BCAS1: variants seen among roughly 807,000 people sequenced by gnomAD.
The protein encoded by BCAS1 is breast carcinoma-amplified sequence 1.
A neutral mutation model predicts 65.4 loss-of-function variants in BCAS1; 46 were observed. The observed-to-expected ratio is 0.70, with a 90% CI of 0.55 to 0.90. The LOEUF is 0.90. BCAS1 is among the 40% of genes least tolerant of loss of function. The probability of loss-of-function intolerance (pLI) is 0.00; values close to 1 mark genes in which losing one functional copy is unlikely to be tolerated. For synonymous variants in BCAS1, 298 were observed against 293.5 expected (o/e 1.02, Z -0.16); for missense variants, 793 against 771.2 (o/e 1.03, Z -0.33).
intron 9 of BCAS1, among the ~76,000 whole-genome samples, chr20:53,974,345 G>A (rs555884391): frequency 7.2e-5 from 11 of 152,252 alleles, no homozygotes; most frequent in African/African-American, 2.2e-4. Flanking sequence ...CACTCACTGC[G>A]AAGGTCTGTG....
At chr20:54,061,695 G>A (rs959843839) in intron 1 of BCAS1, among the ~76,000 whole-genome samples, 8 of 152,302 alleles carry the variant, frequency 5.3e-5, no homozygotes, top group African/African-American at 1.7e-4. Context: ...TGGGGATTTT[G>A]TATGTCTTCT....
chr20:53,989,275 A>G (rs543403399), intron 7 of BCAS1, among the ~76,000 whole-genome samples: 1 of 152,208 alleles, frequency 6.6e-6, no homozygotes, highest in South Asian at 2.1e-4. Context: ...TTCTCTTTGC[A>G]TTGGGAGGAT....
chr20:54,051,937 C>A (rs1160900285), intron 3 of BCAS1, among the ~76,000 whole-genome samples: 1 of 152,106 alleles, frequency 6.6e-6, no homozygotes, highest in East Asian at 1.9e-4. Context: ...CGGGGTTTCA[C>A]CACGTTGGCC....
At chr20:54,017,419 G>T in intron 4 of BCAS1, among the ~76,000 whole-genome samples, 1 of 145,870 alleles carries the variant, frequency 6.9e-6, no homozygotes, top group Admixed American at 6.8e-5. Context: ...TTTTTGAGGT[G>T]GAGTCTCGCT....
intron 3 of BCAS1, among the ~76,000 whole-genome samples, chr20:54,036,890 G>A (rs749704439): frequency 5.3e-5 from 8 of 151,236 alleles, no homozygotes; most frequent in Non-Finnish European, 8.9e-5. Flanking sequence ...AGAAACATAA[G>A]TATCTGGGCC....
Position 53,967,017 on chromosome 20 carries a change from T to A in BCAS1, c.1374A>T (p.Leu458Phe). The A allele has an allele frequency of 6.2e-7, 1 of 1,613,268 alleles. No individual in the cohort carries two copies. Among genetic ancestry groups the A allele is most frequent in the Non-Finnish European group, 8.5e-7 (1 of 1,179,626 alleles). Residue 458 changes from leucine (L) to phenylalanine (F), a missense_variant, in exon 10 of 13, where the codon TTA becomes TTT. Transcript: ENST00000688948. The part of the protein sequence containing the change: ...IIKSKEVESA[L>F]QTVDLNEGDA... ...CTCCTTCGTTGAGGTCCACTGTTTG[T>A]AAGGCTGATTCTACTTCCTTGGACT... is the stretch of plus-strand genomic sequence containing the variant.
chr20:53,970,554 T>C (rs1053950212), intron 9 of BCAS1, among the ~76,000 whole-genome samples: 6 of 152,346 alleles, frequency 3.9e-5, no homozygotes, highest in African/African-American at 1.4e-4. Context: ...TTGGATATCA[T>C]GAATGGACAT....
chr20:53,996,159 T>A (rs1470918001), intron 4 of BCAS1, 109 bp from the exon 5 acceptor site: 1 of 1,196,878 alleles, frequency 8.4e-7, no homozygotes, highest in Admixed American at 2.5e-5. Flanking sequence ...CAGCCATACT[T>A]CTTCTGCCCA....
At chr20:53,966,181 G>A in intron 10 of BCAS1, among the ~76,000 whole-genome samples, 1 of 152,104 alleles carries the variant, frequency 6.6e-6, no homozygotes, top group Non-Finnish European at 1.5e-5. Context: ...TGCACACACA[G>A]GTTTATTGCA....
intron 9 of BCAS1, among the ~76,000 whole-genome samples, chr20:53,968,158 G>T (rs534790253): frequency 1.3e-5 from 2 of 152,180 alleles, no homozygotes; most frequent in East Asian, 3.9e-4. Context: ...CACGCCTGAT[G>T]GATTTTACGC....
At chr20:53,958,363 T>C (rs1405525950) in intron 10 of BCAS1, among the ~76,000 whole-genome samples, 1 of 152,194 alleles carries the variant, frequency 6.6e-6, no homozygotes, top group Non-Finnish European at 1.5e-5. Flanking sequence ...CAACATTGAC[T>C]CAGGTCTAAT....
At chr20:54,008,818 T>C (rs1252619718) in intron 4 of BCAS1, among the ~76,000 whole-genome samples, 1 of 152,080 alleles carries the variant, frequency 6.6e-6, no homozygotes, top group Non-Finnish European at 1.5e-5. Flanking sequence ...ATTTTTTTTT[T>C]TTTTTGAGAC....
At chr20:54,060,621 C>T (rs1015733533) in intron 1 of BCAS1, among the ~76,000 whole-genome samples, 4 of 151,928 alleles carry the variant, frequency 2.6e-5, no homozygotes, top group East Asian at 1.9e-4. Context: ...TGCGCCTGGT[C>T]GAATAAAAGT....
At position 54,028,326 on chromosome 20, in the gene BCAS1, G is replaced by A. The variant is rs1191039699; in HGVS notation, c.723+66C>T. On this transcript the variant is annotated intron_variant, in intron 4 of 12. Coordinates refer to ENST00000688948, the MANE Select transcript of BCAS1 (RefSeq NM_001366298.2). ...CCAGGGTGACTGCATATGTGCAGTGGTCTTATCCCATTAGCGCCCCCGAGC... is the reference window on the plus strand; with the variant it reads ...CCAGGGTGACTGCATATGTGCAGTGATCTTATCCCATTAGCGCCCCCGAGC... 5 of 1,550,576 alleles carry A rather than the reference G, an allele frequency of 3.2e-6. No individual in the cohort carries two copies. The Admixed American group carries it at 6.7e-5, about 21-fold the overall frequency.
At chr20:54,022,701 T>C (rs370898148) in intron 4 of BCAS1, among the ~76,000 whole-genome samples, 2 of 152,068 alleles carry the variant, frequency 1.3e-5, no homozygotes, top group Non-Finnish European at 2.9e-5. Context: ...CCTTGTTGGG[T>C]TTTTTTAACA....
chr20:54,007,814 C>G (rs2091234277), intron 4 of BCAS1, among the ~76,000 whole-genome samples: 1 of 152,098 alleles, frequency 6.6e-6, no homozygotes. Flanking sequence ...GTTCCTCTCA[C>G]CAAGGACAAT....
intron 5 of BCAS1, among the ~76,000 whole-genome samples, 194 bp from the exon 6 acceptor site, chr20:53,995,250 T>G (rs548523092): frequency 1.3e-5 from 2 of 152,328 alleles, no homozygotes; most frequent in Admixed American, 1.3e-4. Flanking sequence ...TATCTTATAA[T>G]GAGATACATC....
In BCAS1 at chr20:53,966,915, G is replaced by A; in HGVS notation, c.1476C>T (p.Leu492=). 1 of 1,607,846 alleles carries A rather than the reference G, an allele frequency of 6.2e-7. No individual in the cohort carries two copies. The highest frequency in any genetic ancestry group is 8.5e-7 in the Non-Finnish European group (1 of 1,178,216). The change falls in exon 10 of 13, where the codon CTC becomes CTT. Residue 492 remains leucine, a synonymous_variant. Transcript: ENST00000688948. The part of the protein sequence containing the change: ...SKPRTSLMAF[L]RQMSVKGDGG... ...GAAGTAAGGGGCTTACCATTTGTCT[G>A]AGAAACGCCATCAGAGAGGTTCTTG...
intron 10 of BCAS1, among the ~76,000 whole-genome samples, chr20:53,965,062 GT>G: frequency 6.6e-6 from 1 of 152,016 alleles, no homozygotes. Flanking sequence ...GTAAAAATTG[GT>G]TTTAAAAAAA....
Sources: allele counts gnomAD v4.1 joint callset (sites outside exome capture counted in the v4.1 genomes callset), GRCh38; gene constraint gnomAD v4.1.1; transcripts MANE v1.5; gene names NCBI Gene and HGNC (gene_info 2026-07-23, HGNC 2026-07-21).